The following ZMYND10 variants were observed in gnomAD, a reference collection of about 807,000 sequenced individuals.
ZMYND10 encodes the protein zinc finger MYND domain-containing protein 10.
A neutral mutation model predicts 62.6 loss-of-function variants in ZMYND10; 52 were observed. That is an observed-to-expected ratio of 0.83 (90% CI 0.67 to 1.05). The LOEUF is 1.05. Ranked by LOEUF, ZMYND10 falls within the 50% of genes least tolerant of loss-of-function variation. The pLI, the probability that ZMYND10 is intolerant of heterozygous loss-of-function variation, is 0.00. For synonymous variants in ZMYND10, 197 were observed against 218.5 expected (o/e 0.90, Z 0.87); for missense variants, 438 against 543.3 (o/e 0.81, Z 1.93).
rs763101648 is a variant in ZMYND10 at position 50,343,612 on chromosome 3, T to G, written c.323A>C (p.His108Pro). 1 of 1,614,138 alleles carries G rather than the reference T, an allele frequency of 6.2e-7. No homozygotes were observed. Among genetic ancestry groups the G allele is most frequent in the Non-Finnish European group, 8.5e-7 (1 of 1,180,030 alleles). Residue 108 changes from histidine to proline, a missense_variant, in exon 4 of 12, where the codon CAC becomes CCC. By Grantham distance (77) the His-to-Pro change is moderately conservative (BLOSUM62 -2). Coordinates refer to ENST00000231749, the MANE Select transcript of ZMYND10 (RefSeq NM_015896.4). The part of the protein sequence containing the change: ...QNTFPIYMVV[H>P]HEASIINLLE... Reference sequence around the variant, plus strand: ...GAGGTTGATGATGGAGGCCTCGTGGTGCACCTGTCAGATAAAGAGAAGGAC... The same window carrying G: ...GAGGTTGATGATGGAGGCCTCGTGGGGCACCTGTCAGATAAAGAGAAGGAC...
In ZMYND10 at chr3:50,345,609, C is replaced by T. The variant is rs771795388; in HGVS notation, c.-30G>A. 6.4e-7 allele frequency: 1 copy of T among 1,557,204 alleles called. No homozygotes were observed. Among genetic ancestry groups the T allele is most frequent in the South Asian group, 1.2e-5 (1 of 84,446 alleles). ...AGGCCGGGGTCCGGCGGATCCTGGG[C>T]AGCAGCCGGGGTGGGGATGCTGTCA... On this transcript the variant is annotated 5_prime_UTR_variant, in exon 1 of 12. Coordinates refer to ENST00000231749, the MANE Select transcript of ZMYND10 (RefSeq NM_015896.4). The surrounding 1 kb of genome is among the most constrained non-coding windows in gnomAD (Gnocchi z 5.0).
chr3:50,344,651 C>CAG (rs1703487368), intron 2 of ZMYND10, among the ~76,000 whole-genome samples: 1 of 142,402 alleles, frequency 7.0e-6, no homozygotes, highest in South Asian at 2.2e-4. Context: ...ATTGATATCT[C>CAG]AGGTCATCTG....
At chr3:50,344,035 C>T (rs1703466580) in intron 2 of ZMYND10, 185 bp from the exon 3 acceptor site, 1 of 603,158 alleles carries the variant, frequency 1.7e-6, no homozygotes, top group Non-Finnish European at 2.9e-6. Context: ...CAGCTGCTCC[C>T]AACACCTCTG....
intron 7 of ZMYND10, 44 bp from the exon 8 acceptor site, chr3:50,342,613 C>G: frequency 6.3e-7 from 1 of 1,584,360 alleles, no homozygotes; most frequent in Non-Finnish European, 8.6e-7. Context: ...GTTGAATTCT[C>G]TTCAAGTGAG....
chr3:50,341,828 A>G lies in ZMYND10; in HGVS notation c.1103T>C (p.Leu368Pro). ...QHVFSPSEQDLRLQARRWAET... is the reference protein window; with the variant it reads ...QHVFSPSEQDPRLQARRWAET... ...GCCTTACCTTCGCGCCTGCAGCCGC[A>G]GGTCCTGCTCTGAGGGGCTGAACAC... Residue 368 changes from leucine (L) to proline (P), a missense_variant, in exon 10 of 12, where the codon CTG becomes CCG. Leu to Pro is a moderately conservative substitution (Grantham distance 98, BLOSUM62 -3). Coordinates refer to ENST00000231749, the MANE Select transcript of ZMYND10 (RefSeq NM_015896.4). 1.2e-6 allele frequency: 2 copies of G among 1,614,060 alleles called. No homozygotes were observed. Among genetic ancestry groups the G allele is most frequent in the Non-Finnish European group, 1.7e-6 (2 of 1,179,980 alleles).
At position 50,345,483 on chromosome 3, in the gene ZMYND10, C is replaced by T. The variant is rs1397309219; in HGVS notation, c.92+5G>A. On this transcript the variant is annotated splice_donor_5th_base_variant and intron_variant, in intron 1 of 11. Coordinates refer to ENST00000231749, the MANE Select transcript of ZMYND10 (RefSeq NM_015896.4). This position sits in a 1 kb window ranked among gnomAD's most constrained non-coding sequence, Gnocchi z 5.0. ...CCGGGACTCCGCCTGACCCGGGTGC[C>T]TCACCCTTCGGAGCCCATCTCGCGT... The T allele has an allele frequency of 1.3e-5, 21 of 1,596,148 alleles. No individual in the cohort carries two copies. The South Asian group carries it at 2.4e-4, about 18-fold the overall frequency.
chr3:50,345,100 A>G lies in ZMYND10; in HGVS notation c.201+24T>C, dbSNP rs899712024. 7.5e-6 allele frequency: 12 copies of G among 1,601,596 alleles called. No individual in the cohort carries two copies. Among genetic ancestry groups the G allele is most frequent in the Non-Finnish European group, 1.0e-5 (12 of 1,170,434 alleles). Reference sequence around the variant, plus strand: ...AGGTGAGGTATGGGGGAAGGCAGGAACCCTGCCTGTGACCTCGGGGTACCT... The same window carrying G: ...AGGTGAGGTATGGGGGAAGGCAGGAGCCCTGCCTGTGACCTCGGGGTACCT... On this transcript the variant is annotated intron_variant, in intron 2 of 11. Coordinates refer to ENST00000231749, the MANE Select transcript of ZMYND10 (RefSeq NM_015896.4). The surrounding 1 kb of genome is among the most constrained non-coding windows in gnomAD (Gnocchi z 5.0).
At chr3:50,342,736 T>C in intron 7 of ZMYND10, 167 bp from the exon 8 acceptor site, 1 of 1,467,232 alleles carries the variant, frequency 6.8e-7, no homozygotes, top group Middle Eastern at 2.3e-4. Context: ...GCCTCAGTAG[T>C]GGACACATGG....
At position 50,345,346 on chromosome 3, in the gene ZMYND10, G is replaced by A; in HGVS notation, c.93-114C>T. On this transcript the variant is annotated intron_variant, in intron 1 of 11. Coordinates refer to ENST00000231749, the MANE Select transcript of ZMYND10 (RefSeq NM_015896.4). The surrounding 1 kb of genome is among the most constrained non-coding windows in gnomAD (Gnocchi z 5.0). ...CTGAGGGGACACAGGGGGCTCAGGAGCAGTAATACTCCTGTCTCGGAACGC... is the reference window on the plus strand; with the variant it reads ...CTGAGGGGACACAGGGGGCTCAGGAACAGTAATACTCCTGTCTCGGAACGC... The A allele has an allele frequency of 2.7e-6, 4 of 1,491,460 alleles. No individual in the cohort carries two copies. Among genetic ancestry groups the A allele is most frequent in the Admixed American group, 4.0e-5 (2 of 50,078 alleles). 92.4% of individuals were successfully genotyped at this position (1,491,460 alleles called of 1,614,324 possible).
chr3:50,343,156 G>A lies in ZMYND10; in HGVS notation c.561C>T (p.Ala187=). Residue 187 remains alanine, a synonymous_variant, in exon 6 of 12, where the codon GCC becomes GCT. Coordinates refer to ENST00000231749, the MANE Select transcript of ZMYND10 (RefSeq NM_015896.4). ...CTGTGATGTAGCGTAGTACTGAGAG[G>A]GCCTTCAGTGCAATCTCAAATTCCA... ...ELMEFEIALK[A]LSVLRYITDC... 1 of 1,614,200 alleles carries A rather than the reference G, an allele frequency of 6.2e-7. No individual in the cohort carries two copies. The highest frequency in any genetic ancestry group is 8.5e-7 in the Non-Finnish European group (1 of 1,180,030).
chr3:50,342,177 G>T (rs777850065), intron 8 of ZMYND10, 37 bp from the exon 9 acceptor site: 14 of 1,597,020 alleles, frequency 8.8e-6, no homozygotes, highest in Non-Finnish European at 1.2e-5. Flanking sequence ...TGTGATGCAG[G>T]TGCTGGCCAG....
chr3:50,345,405 G>A lies in ZMYND10; in HGVS notation c.92+83C>T, dbSNP rs587601513. ...CCCATTTGGGAGCCCCTCCACACTG[G>A]GCAGCCCCTCCCCCGAGTCAGGCCC... On this transcript the variant is annotated intron_variant, in intron 1 of 11. Coordinates refer to ENST00000231749, the MANE Select transcript of ZMYND10 (RefSeq NM_015896.4). This position sits in a 1 kb window ranked among gnomAD's most constrained non-coding sequence, Gnocchi z 5.0. The A allele has an allele frequency of 3.9e-6, 6 of 1,536,724 alleles. No homozygotes were observed. The South Asian group carries it at 4.8e-5, about 12-fold the overall frequency.
rs1464816865 is a variant in ZMYND10, at chr3:50,345,646, G to A, written c.-67C>T. On this transcript the variant is annotated 5_prime_UTR_variant, in exon 1 of 12. Coordinates refer to ENST00000231749, the MANE Select transcript of ZMYND10 (RefSeq NM_015896.4). This position sits in a 1 kb window ranked among gnomAD's most constrained non-coding sequence, Gnocchi z 5.0. ...TGGGGATGCTGTCACATTCGGGGAC[G>A]ACGGACCCCGACGGTGCCAAAGTCT... The A allele has an allele frequency of 2.6e-6, 4 of 1,513,086 alleles. No individual in the cohort carries two copies. Among genetic ancestry groups the A allele is most frequent in the South Asian group, 2.7e-5 (2 of 75,228 alleles). 93.7% of individuals were successfully genotyped at this position (1,513,086 alleles called of 1,614,324 possible).
Position 50,343,667 on chromosome 3 carries a change from G to A in ZMYND10, c.319-51C>T, listed in dbSNP as rs753609302. ...CCTGAGGAAGGGATAGGGGCTACCAGCTCTCCTCCCCGGTCCAGAGCCCTC... is the reference window on the plus strand; with the variant it reads ...CCTGAGGAAGGGATAGGGGCTACCAACTCTCCTCCCCGGTCCAGAGCCCTC... On this transcript the variant is annotated intron_variant, in intron 3 of 11. Coordinates refer to ENST00000231749, the MANE Select transcript of ZMYND10 (RefSeq NM_015896.4). 11 of 1,613,802 alleles carry A rather than the reference G, an allele frequency of 6.8e-6. No homozygotes were observed. In the South Asian group the frequency reaches 1.1e-4, roughly 16 times the overall value.
In ZMYND10 at chr3:50,343,184, AG is replaced by A; in HGVS notation, c.532del (p.Leu178Ter). ...PMQELQKQAE[L>X]MEFEIALKAL... is the part of the protein sequence containing the mutation. ...CTTCAGTGCAATCTCAAATTCCATC[AG>A]CTCTGCCTGCTTCTGCAGCTCCTGG... On this transcript the variant is annotated frameshift_variant, in exon 6 of 12. Coordinates refer to ENST00000231749, the MANE Select transcript of ZMYND10 (RefSeq NM_015896.4). LOFTEE classifies it high-confidence loss of function. The A allele has an allele frequency of 6.2e-7, 1 of 1,614,218 alleles. No individual in the cohort carries two copies. Among genetic ancestry groups the A allele is most frequent in the Non-Finnish European group, 8.5e-7 (1 of 1,180,036 alleles).
At position 50,341,856 on chromosome 3, in the gene ZMYND10, GCTGGAGCTGGTGCTTGGCAATTGC is replaced by G; in HGVS notation, c.1051_1074del (p.Ala351_Gln358del). 6.2e-7 allele frequency: 1 copy of G among 1,614,164 alleles called. No individual in the cohort carries two copies. The highest frequency in any genetic ancestry group is 8.5e-7 in the Non-Finnish European group (1 of 1,180,046). On this transcript the variant is annotated inframe_deletion, in exon 10 of 12. Coordinates refer to ENST00000231749, the MANE Select transcript of ZMYND10 (RefSeq NM_015896.4). ...TCCTGCTCTGAGGGGCTGAACACAT[GCTGGAGCTGGTGCTTGGCAATTGC>G]CTGCCACTTGCCTCTGTTTTCTCGC...
At chr3:50,342,295 G>C (rs1022577948) in intron 8 of ZMYND10, 102 bp downstream of exon 8, 2 of 1,562,096 alleles carry the variant, frequency 1.3e-6, no homozygotes, top group Admixed American at 1.9e-5. Context: ...AAGAGCACTG[G>C]GGTTGAGGTG....
In ZMYND10 at chr3:50,343,787, A is replaced by G; in HGVS notation, c.265T>C (p.Phe89Leu). The G allele has an allele frequency of 1.2e-6, 2 of 1,614,224 alleles. No individual in the cohort carries two copies. The highest frequency in any genetic ancestry group is 1.7e-6 in the Non-Finnish European group (2 of 1,180,040). ...EMWKQKVFPV[F>L]CRVEDFKPQN... is the part of the protein sequence containing the mutation. ...GGCTTGAAGTCCTCCACCCTGCAGA[A>G]CACAGGGAACACCTTCTGCTTCCAC... Residue 89 changes from phenylalanine (F) to leucine (L), a missense_variant, in exon 3 of 12, where the codon TTC becomes CTC. Phe to Leu is a conservative substitution (Grantham distance 22). Coordinates refer to ENST00000231749, the MANE Select transcript of ZMYND10 (RefSeq NM_015896.4).
Position 50,343,234 on chromosome 3 carries a change from G to T in ZMYND10, c.511-28C>A, listed in dbSNP as rs772787974. The T allele has an allele frequency of 1.9e-6, 3 of 1,614,056 alleles. 1 individual carries two copies. In the South Asian group the frequency reaches 3.3e-5, roughly 18 times the overall value. ...GGGAGGTCACACAGTGTTCACGCTG[G>T]GCCACCCTCACCTGCGCAGGCCTTG... is the stretch of plus-strand genomic sequence containing the variant. On this transcript the variant is annotated intron_variant, in intron 5 of 11. Transcript: ENST00000231749.
Sources: gnomAD v4.1 joint callset for allele counts (sites outside exome capture counted in the v4.1 genomes callset) on GRCh38, gnomAD v4.1.1 for gene constraint, Gnocchi (gnomAD v3.1) non-coding constraint, MANE v1.5 for transcripts, NCBI Gene and HGNC (gene_info 2026-07-23, HGNC 2026-07-21) for gene names.